Variants in NDST1 observed in about 807,000 individuals in gnomAD.
The protein encoded by NDST1 is bifunctional heparan sulfate N-deacetylase/N-sulfotransferase 1.
NDST1 carries 35 observed loss-of-function variants against 92.8 expected under a neutral mutation model. That is an observed-to-expected ratio of 0.38 (90% CI 0.29 to 0.50). The LOEUF is 0.50. Ranked by LOEUF, NDST1 falls within the 20% of genes least tolerant of loss-of-function variation. NDST1 has a pLI of 0.94. For synonymous variants in NDST1, 493 were observed against 500.3 expected, an observed-to-expected ratio of 0.99 and a Z score of 0.19; for missense variants, 822 against 1,182.7, an observed-to-expected ratio of 0.69 and a Z score of 4.47.
At chr5:150,527,681 G>T (rs2151278242) in intron 2 of NDST1, 123 bp from the exon 3 acceptor site, 2 of 1,413,188 alleles carry the variant, frequency 1.4e-6, no homozygotes, top group African/African-American at 2.8e-5. Context: ...CCAGGGTGGT[G>T]AGCCCTCCAT....
chr5:150,537,325 T>C (rs879012717), intron 6 of NDST1, among the ~76,000 whole-genome samples: 1 of 152,242 alleles, frequency 6.6e-6, no homozygotes, highest in Non-Finnish European at 1.5e-5. Flanking sequence ...AACAGAGCCA[T>C]ATTTCTCTTC....
At chr5:150,535,060 A>G in intron 5 of NDST1, 39 bp downstream of exon 5, 1 of 1,593,066 alleles carries the variant, frequency 6.3e-7, no homozygotes, top group Middle Eastern at 1.7e-4. Flanking sequence ...GGGGCGGGCT[A>G]AGGGCTGGGC....
chr5:150,532,807 A>G (rs1754804893), intron 3 of NDST1, 138 bp from the exon 4 acceptor site: 2 of 843,564 alleles, frequency 2.4e-6, no homozygotes, highest in African/African-American at 1.7e-5. Context: ...GATTACAGGC[A>G]TGAGCCACCA....
intron 14 of NDST1, among the ~76,000 whole-genome samples, chr5:150,552,330 G>T (rs924233203): frequency 1.3e-5 from 2 of 152,266 alleles, no homozygotes; most frequent in East Asian, 3.9e-4. Flanking sequence ...GATCCATTTT[G>T]TAGGATTTGG....
Position 150,539,208 on chromosome 5 carries a change from C to T in NDST1, c.1438-20C>T. On this transcript the variant is annotated intron_variant, in intron 6 of 14. Transcript: ENST00000261797. The stretch of plus-strand genomic sequence containing the variant: ...CATGCCAGAAGGCACCATAGCTCCT[C>T]TCCCCCACCCCCTCCTCAGGTTCTC... 6.2e-7 allele frequency: 1 copy of T among 1,603,232 alleles called. No homozygotes were observed. The highest frequency in any genetic ancestry group is 8.5e-7 in the Non-Finnish European group (1 of 1,170,174).
Position 150,549,708 on chromosome 5 carries a change from A to G in NDST1, c.2347A>G (p.Thr783Ala), listed in dbSNP as rs770052718. 3.1e-6 allele frequency: 5 copies of G among 1,614,018 alleles called. No individual in the cohort carries two copies. Among genetic ancestry groups the G allele is most frequent in the Non-Finnish European group, 4.2e-6 (5 of 1,179,896 alleles). Residue 783 changes from threonine (T) to alanine (A), a missense_variant, in exon 13 of 15, where the codon ACA (threonine) becomes GCA (alanine). Physicochemically the swap from Thr to Ala is moderately conservative, Grantham distance 58. Transcript: ENST00000261797. ...ILVLDGKLLR[T>A]EPAKVMDMVQ... The stretch of plus-strand genomic sequence containing the variant: ...GGTCTTGGATGGCAAACTGCTTCGC[A>G]CAGAACCTGCCAAAGTGATGGACAT...
intron 9 of NDST1, 82 bp downstream of exon 9, chr5:150,541,748 C>A: frequency 7.7e-7 from 1 of 1,299,274 alleles, no homozygotes; most frequent in Non-Finnish European, 1.1e-6. Context: ...CTTGCCCTGG[C>A]CCCACTCCCG....
At chr5:150,539,769 T>A (rs1755161325) in intron 7 of NDST1, 1 of 985,348 alleles carries the variant, frequency 1.0e-6, no homozygotes, top group African/African-American at 1.7e-5. Flanking sequence ...GTGGTTGTTA[T>A]TCAGCTCTGT....
At chr5:150,552,351 T>C (rs184642406) in intron 14 of NDST1, among the ~76,000 whole-genome samples, 34 of 152,088 alleles carry the variant, frequency 2.2e-4, no homozygotes, top group Admixed American at 3.9e-4. Context: ...ACATATGGAA[T>C]GGGAGGGTAG....
At chr5:150,505,809 T>G (rs539088452), upstream of NDST1, among the ~76,000 whole-genome samples, 1 of 152,200 alleles carries the variant, frequency 6.6e-6, no homozygotes, top group Non-Finnish European at 1.5e-5. Context: ...AGATGGGGTC[T>G]TGCTGTATCT....
Position 150,524,562 on chromosome 5 carries a change from G to A in NDST1, c.513+2795G>A, listed in dbSNP as rs554159820. ...CTGTGTCCCAGTCACTGAGCTCGGTGCTTTGCAGGCATTTCATGGCTAATT... is the reference window on the plus strand; with the variant it reads ...CTGTGTCCCAGTCACTGAGCTCGGTACTTTGCAGGCATTTCATGGCTAATT... On this transcript the variant is annotated intron_variant, in intron 2 of 14. Coordinates refer to ENST00000261797, the MANE Select transcript of NDST1 (RefSeq NM_001543.5). Among the ~76,000 whole-genome samples, 16 of 152,346 alleles carry A rather than the reference G, an allele frequency of 1.1e-4. No homozygotes were observed. The South Asian group carries it at 3.3e-3, about 32-fold the overall frequency.
At chr5:150,499,397 C>T (rs1170909969) in intron 1 of NDST1, among the ~76,000 whole-genome samples, 1 of 152,218 alleles carries the variant, frequency 6.6e-6, no homozygotes, top group African/African-American at 2.4e-5. Context: ...TCACTGGAGG[C>T]ATCTGAGTTT....
intron 9 of NDST1, 57 bp from the exon 10 acceptor site, chr5:150,542,791 C>T: frequency 1.2e-6 from 2 of 1,612,890 alleles, no homozygotes; most frequent in Admixed American, 1.7e-5. Context: ...AGAACCCAGA[C>T]TCTATCTTTT....
At position 150,554,281 on chromosome 5, in the gene NDST1, T is replaced by G. The variant is rs190283704; in HGVS notation, c.*949T>G. ...AAGCTAAAATATTTTAATATTTTGT[T>G]TTTTTTTTTCTTGGTGCCAGAGTTT... On this transcript the variant is annotated 3_prime_UTR_variant, in exon 15 of 15. Coordinates refer to ENST00000261797, the MANE Select transcript of NDST1 (RefSeq NM_001543.5). 2.8e-5 allele frequency: 10 copies of G among 351,322 alleles called. No homozygotes were observed. Among genetic ancestry groups the G allele is most frequent in the African/African-American group, 8.6e-5 (4 of 46,528 alleles). 21.8% of individuals were successfully genotyped at this position (351,322 alleles called of 1,614,324 possible). A position where few individuals can be genotyped will look rare whatever the true frequency, so the allele number is the denominator to read the frequency against.
chr5:150,508,227 G>C lies in NDST1; in HGVS notation c.-388+1G>C, dbSNP rs1753551687. On this transcript the variant is annotated splice_donor_variant, in intron 1 of 14. Transcript: ENST00000261797. LOFTEE classifies it low-confidence loss of function (5UTR_SPLICE). ...CCTCACGCCACTGCCTGGAGCTCCG[G>C]TGGGTCTGGGTCTGGTCATTGTCTC... 1 of 152,746 alleles carries C rather than the reference G, an allele frequency of 6.5e-6. No individual in the cohort carries two copies. Among genetic ancestry groups the C allele is most frequent in the Admixed American group, 6.5e-5 (1 of 15,284 alleles). 9.5% of individuals were successfully genotyped at this position (152,746 alleles called of 1,614,324 possible). A position where few individuals can be genotyped will look rare whatever the true frequency, so the allele number is the denominator to read the frequency against.
At chr5:150,514,296 G>A (rs757988495) in intron 1 of NDST1, among the ~76,000 whole-genome samples, 31 of 152,218 alleles carry the variant, frequency 2.0e-4, no homozygotes, top group Non-Finnish European at 3.5e-4. Context: ...CTGGCTGGGC[G>A]TGGTGGCTCA....
rs1023834747 is a variant in NDST1, at chr5:150,539,589, T to C, written c.1566+233T>C. 5.8e-5 allele frequency: 81 copies of C among 1,397,772 alleles called. No individual in the cohort carries two copies. In the African/African-American group the frequency reaches 1.1e-3, roughly 19 times the overall value. 86.6% of individuals were successfully genotyped at this position (1,397,772 alleles called of 1,614,324 possible). On this transcript the variant is annotated intron_variant, in intron 7 of 14. Coordinates refer to ENST00000261797, the MANE Select transcript of NDST1 (RefSeq NM_001543.5). ...AATCATGTACTTTAATACAAAAGTG[T>C]TGGCATTTTTATGCATGTTCCCTTC...
intron 6 of NDST1, among the ~76,000 whole-genome samples, chr5:150,538,577 C>T (rs973082427): frequency 3.9e-5 from 6 of 152,132 alleles, no homozygotes; most frequent in Non-Finnish European, 7.4e-5. Flanking sequence ...AAGATGACTG[C>T]AGGGTTTTTA....
At chr5:150,525,192 T>C (rs1003745028) in intron 2 of NDST1, among the ~76,000 whole-genome samples, 2 of 152,144 alleles carry the variant, frequency 1.3e-5, no homozygotes, top group Non-Finnish European at 2.9e-5. Context: ...AGGCCTGCAG[T>C]GAGGCCAGCC....
Sources: allele counts gnomAD v4.1 joint callset (sites outside exome capture counted in the v4.1 genomes callset), GRCh38; gene constraint gnomAD v4.1.1; transcripts MANE v1.5; gene names NCBI Gene and HGNC (gene_info 2026-07-23, HGNC 2026-07-21).